Variants in DPP10 observed in about 807,000 individuals in gnomAD.
DPP10 encodes the protein dipeptidyl peptidase like 10, also known as inactive dipeptidyl peptidase 10.
Under a neutral mutation model 120.9 loss-of-function variants are expected in DPP10, and 33 were observed. The ratio of observed to expected loss-of-function variants is 0.27; its 90% CI spans 0.21 to 0.37. The LOEUF (loss-of-function observed/expected upper bound fraction) is 0.37. DPP10 is among the 10% of genes least tolerant of loss of function. The probability of loss-of-function intolerance (pLI) is 1.00; values close to 1 mark genes in which losing one functional copy is unlikely to be tolerated. For synonymous variants in DPP10, 337 were observed against 326.1 expected (o/e 1.03, Z -0.36); for missense variants, 816 against 942.8 (o/e 0.87, Z 1.76).
intron 1 of DPP10, among the ~76,000 whole-genome samples, chr2:114,998,653 G>C (rs758587534): frequency 6.6e-6 from 1 of 152,004 alleles, no homozygotes; most frequent in Non-Finnish European, 1.5e-5. Context: ...GAGTAATTTG[G>C]GCAGAATAAA....
rs533858676 is a variant in DPP10 at position 115,575,316 on chromosome 2, C to T, written c.441+49344C>T. Among the ~76,000 whole-genome samples the T allele has an allele frequency of 3.3e-4, 50 of 152,194 alleles. No homozygotes were observed. The South Asian group carries it at 3.7e-3, about 11-fold the overall frequency. Reference sequence around the variant, plus strand: ...GATAAAATATATCTTTAAATATCATCATAAGAAAGTGAGTGTTTGGTACCA... The same window carrying T: ...GATAAAATATATCTTTAAATATCATTATAAGAAAGTGAGTGTTTGGTACCA... On this transcript the variant is annotated intron_variant, in intron 5 of 25. Coordinates refer to ENST00000410059, the MANE Select transcript of DPP10 (RefSeq NM_020868.6).
intron 1 of DPP10, among the ~76,000 whole-genome samples, chr2:114,693,721 G>A (rs1699905114): frequency 6.6e-6 from 1 of 151,860 alleles, no homozygotes; most frequent in Admixed American, 6.6e-5. Context: ...ACCCCAATCA[G>A]TCGTAGGTTC....
chr2:115,598,005 T>C (rs1371377963), intron 5 of DPP10, among the ~76,000 whole-genome samples: 2 of 152,102 alleles, frequency 1.3e-5, no homozygotes, highest in East Asian at 3.8e-4. Flanking sequence ...TTTATCATTA[T>C]GAAATATGTC....
At chr2:114,673,471 A>G (rs1698479021) in intron 1 of DPP10, among the ~76,000 whole-genome samples, 1 of 151,416 alleles carries the variant, frequency 6.6e-6, no homozygotes, top group South Asian at 2.1e-4. Context: ...TTAGTTTGAG[A>G]TGGAGTCTTG....
intron 5 of DPP10, among the ~76,000 whole-genome samples, chr2:115,559,487 G>C (rs952926224): frequency 2.6e-5 from 4 of 151,964 alleles, no homozygotes; most frequent in Non-Finnish European, 5.9e-5. Context: ...ATTCTTAATT[G>C]TTTTACCGTT....
intron 1 of DPP10, among the ~76,000 whole-genome samples, chr2:115,226,757 TTAAA>T (rs1282822643): frequency 6.6e-6 from 1 of 152,176 alleles, no homozygotes; most frequent in Non-Finnish European, 1.5e-5. Flanking sequence ...CACAATTTAA[TTAAA>T]TATGTGGATG....
At chr2:115,115,196 T>C (rs1477158786) in intron 1 of DPP10, among the ~76,000 whole-genome samples, 1 of 152,060 alleles carries the variant, frequency 6.6e-6, no homozygotes, top group Non-Finnish European at 1.5e-5. Flanking sequence ...GCTCTTGTCC[T>C]CCAACCTAAC....
chr2:114,797,107 T>C (rs1048510023), intron 1 of DPP10, among the ~76,000 whole-genome samples: 1 of 152,178 alleles, frequency 6.6e-6, no homozygotes, highest in African/African-American at 2.4e-5. Flanking sequence ...AATACCAAAC[T>C]GGCAACAGAA....
At chr2:114,838,077 AG>A (rs1301903947) in intron 1 of DPP10, among the ~76,000 whole-genome samples, 1 of 152,200 alleles carries the variant, frequency 6.6e-6, no homozygotes, top group Non-Finnish European at 1.5e-5. Flanking sequence ...TGTGACCTTA[AG>A]ATCACCACAC....
intron 7 of DPP10, among the ~76,000 whole-genome samples, chr2:115,719,928 A>G (rs1022422451): frequency 1.1e-4 from 16 of 152,164 alleles, no homozygotes; most frequent in Admixed American, 3.3e-4. Flanking sequence ...CACAAAGATA[A>G]TCATTATCCT....
chr2:115,759,872 T>C (rs534866578), intron 11 of DPP10, among the ~76,000 whole-genome samples: 40 of 152,134 alleles, frequency 2.6e-4, no homozygotes, highest in African/African-American at 8.4e-4. Context: ...TAACCGGGCA[T>C]GTTGGCGCAT....
intron 4 of DPP10, among the ~76,000 whole-genome samples, chr2:115,501,990 T>C (rs2076705046): frequency 6.6e-6 from 1 of 152,064 alleles, no homozygotes; most frequent in African/African-American, 2.4e-5. Context: ...AATGAAAGCA[T>C]GACAAGTCAT....
At chr2:115,365,915 C>A (rs893652871) in intron 3 of DPP10, among the ~76,000 whole-genome samples, 4 of 152,020 alleles carry the variant, frequency 2.6e-5, no homozygotes, top group African/African-American at 9.7e-5. Flanking sequence ...TTAACATCAA[C>A]AGATTCCTTC....
chr2:114,663,262 A>G lies in DPP10; in HGVS notation c.60+220424A>G, dbSNP rs200705803. 1.1e-4 allele frequency among the ~76,000 whole-genome samples: 16 copies of G among 147,694 alleles called. No homozygotes were observed. The East Asian group carries it at 2.6e-3, about 24-fold the overall frequency. ...TGTGTGTGTATATATATATATATCT[A>G]TATATATATACACACACATATATGT... On this transcript the variant is annotated intron_variant, in intron 1 of 25. Transcript: ENST00000410059.
chr2:114,492,688 T>G (rs766955793), intron 1 of DPP10, among the ~76,000 whole-genome samples: 5 of 152,210 alleles, frequency 3.3e-5, no homozygotes, highest in Admixed American at 6.5e-5. Flanking sequence ...TTGCTTTCCA[T>G]ACGCAATTCA....
intron 1 of DPP10, among the ~76,000 whole-genome samples, chr2:114,658,173 A>G (rs1697105572): frequency 6.6e-6 from 1 of 152,206 alleles, no homozygotes; most frequent in Non-Finnish European, 1.5e-5. Flanking sequence ...AGGGGGTAAC[A>G]AGGCGTTCAC....
chr2:115,337,798 AG>A (rs2063233631), intron 2 of DPP10, among the ~76,000 whole-genome samples: 1 of 151,826 alleles, frequency 6.6e-6, no homozygotes, highest in South Asian at 2.1e-4. Context: ...AAGAGACCTC[AG>A]GGTAGGCAGC....
intron 5 of DPP10, among the ~76,000 whole-genome samples, chr2:115,614,449 TGA>T (rs2084341995): frequency 6.6e-6 from 1 of 152,138 alleles, no homozygotes; most frequent in South Asian, 2.1e-4. Context: ...TTTTTGGGAC[TGA>T]GTCTCACTTT....
intron 1 of DPP10, among the ~76,000 whole-genome samples, chr2:115,069,574 G>A (rs552312737): frequency 1.2e-4 from 19 of 152,122 alleles, no homozygotes; most frequent in Non-Finnish European, 2.2e-4. Context: ...TTTACCCTCA[G>A]TAATCTCAAT....
Sources: allele counts gnomAD v4.1 joint callset (sites outside exome capture counted in the v4.1 genomes callset), GRCh38; gene constraint gnomAD v4.1.1; transcripts MANE v1.5; gene names NCBI Gene and HGNC (gene_info 2026-07-23, HGNC 2026-07-21).